Variants in STK11 observed in about 807,000 individuals in gnomAD.
STK11 encodes the protein serine/threonine-protein kinase STK11.
In STK11, 8 loss-of-function variants were observed where a neutral mutation model predicts 47.3. The ratio of observed to expected loss-of-function variants is 0.17; its 90% CI spans 0.10 to 0.31. STK11 has a LOEUF of 0.31. Ranked by LOEUF, STK11 falls within the 10% of genes least tolerant of loss-of-function variation. STK11 has a pLI of 1.00. For synonymous variants in STK11, 330 were observed against 255.8 expected, an observed-to-expected ratio of 1.29 and a Z score of -2.77; for missense variants, 475 against 605.0, an observed-to-expected ratio of 0.79 and a Z score of 2.25.
chr19:1,207,519 C>T (rs1430303079), intron 1 of STK11, among the ~76,000 whole-genome samples: 2 of 152,234 alleles, frequency 1.3e-5, no homozygotes, highest in Non-Finnish European at 2.9e-5. Flanking sequence ...AGCCCCTTGG[C>T]TCCCCCAGCT....
At chr19:1,219,131 T>C (rs117211142) in intron 2 of STK11, among the ~76,000 whole-genome samples, 193 bp from the exon 3 acceptor site, 2,526 of 152,106 alleles carry the variant, frequency 0.017, 34 homozygotes, top group Non-Finnish European at 0.025. Flanking sequence ...CCCTTCCCCG[T>C]AGGCTCCTTC....
Position 1,219,446 on chromosome 19 carries a change from G to T in STK11, c.464+33G>T, listed in dbSNP as rs758268029. ...CGCGGGGCAGGGGCCAGGGTGGGGC[G>T]GGGGCCGGGGGCCAGGCAGGGCAGG... On this transcript the variant is annotated intron_variant, in intron 3 of 9. Coordinates refer to ENST00000326873, the MANE Select transcript of STK11 (RefSeq NM_000455.5). 4 of 1,542,136 alleles carry T rather than the reference G, an allele frequency of 2.6e-6. No homozygotes were observed. In the African/African-American group the frequency reaches 5.5e-5, roughly 21 times the overall value.
Position 1,218,445 on chromosome 19 carries a change from C to T in STK11, c.319C>T (p.His107Tyr), listed in dbSNP as rs867918757. Residue 107 changes from histidine (H) to tyrosine (Y), a missense_variant, in exon 2 of 10, where the codon CAC becomes TAC. Around this residue, in one of 5 missense-constraint regions of STK11, gnomAD observed 46 missense variants for 45.5 expected, o/e 1.01. Transcript: ENST00000326873. ...AATTCAACTACTGAGGAGGTTACGG[C>T]ACAAAAATGTCATCCAGCTGGTGGA... is the stretch of plus-strand genomic sequence containing the variant. Reference protein sequence around the residue: ...KEIQLLRRLRHKNVIQLVDVL... With the variant: ...KEIQLLRRLRYKNVIQLVDVL... 6.2e-7 allele frequency: 1 copy of T among 1,613,684 alleles called. No homozygotes were observed. The highest frequency in any genetic ancestry group is 8.5e-7 in the Non-Finnish European group (1 of 1,179,814).
intron 5 of STK11, 40 bp from the exon 6 acceptor site, chr19:1,221,173 T>C (rs2145426518): frequency 6.2e-7 from 1 of 1,609,256 alleles, no homozygotes. Flanking sequence ...GTCAACCACC[T>C]TGACTGACCA....
In STK11 at chr19:1,227,848, G is replaced by A. The variant is rs1163510434; in HGVS notation, c.*272G>A. ...CCTTCCCGGGCGGGCGTGGGAGGAG[G>A]GAGGCGGCCTCCATGCACTTTATGT... On this transcript the variant is annotated 3_prime_UTR_variant, in exon 10 of 10. Transcript: ENST00000326873. The A allele has an allele frequency of 3.7e-6, 4 of 1,070,276 alleles. No homozygotes were observed. Among genetic ancestry groups the A allele is most frequent in the Non-Finnish European group, 3.4e-6 (3 of 882,456 alleles). The allele number at this position is 1,070,276 out of a possible 1,614,324, so 66.3% of individuals were successfully genotyped here. A position where few individuals can be genotyped will look rare whatever the true frequency, so the allele number is the denominator to read the frequency against.
At chr19:1,211,781 G>C (rs897397528) in intron 1 of STK11, among the ~76,000 whole-genome samples, 1 of 152,276 alleles carries the variant, frequency 6.6e-6, no homozygotes, top group Non-Finnish European at 1.5e-5. Context: ...CAGCCAGGAG[G>C]TGGGAGGTGG....
Position 1,223,011 on chromosome 19 carries a change from C to G in STK11, c.947C>G (p.Ala316Gly), listed in dbSNP as rs751709130. The G allele has an allele frequency of 9.5e-6, 15 of 1,574,076 alleles. No homozygotes were observed. Among genetic ancestry groups the G allele is most frequent in the African/African-American group, 2.7e-5 (2 of 74,026 alleles). Reference sequence around the variant, plus strand: ...TGGTTCCGGAAGAAACATCCTCCGGCTGAAGCACCAGTGCCCATCCCACCG... The same window carrying G: ...TGGTTCCGGAAGAAACATCCTCCGGGTGAAGCACCAGTGCCCATCCCACCG... The part of the protein sequence containing the change: ...HSWFRKKHPP[A>G]EAPVPIPPSP... The change falls in exon 8 of 10, where the codon GCT becomes GGT. Residue 316 changes from alanine (A) to glycine (G), a missense_variant. Coordinates refer to ENST00000326873, the MANE Select transcript of STK11 (RefSeq NM_000455.5).
At chr19:1,219,747 G>A (rs1002621453) in intron 3 of STK11, among the ~76,000 whole-genome samples, 33 of 152,000 alleles carry the variant, frequency 2.2e-4, no homozygotes, top group South Asian at 8.3e-4. Flanking sequence ...GGGTTTCACC[G>A]TGTTAGCCAG....
chr19:1,218,919 CCT>C (rs1384871274), intron 2 of STK11, among the ~76,000 whole-genome samples: 2 of 152,042 alleles, frequency 1.3e-5, no homozygotes, highest in East Asian at 3.9e-4. Flanking sequence ...TTCCTAAGGC[CCT>C]GTGCCCAGAG....
chr19:1,216,579 CA>C (rs968721946), intron 1 of STK11, among the ~76,000 whole-genome samples: 196 of 117,302 alleles, frequency 1.7e-3, no homozygotes, highest in Middle Eastern at 4.2e-3. Context: ...ACTCCGTCTC[CA>C]AAAAAAAAAA....
chr19:1,217,451 C>T (rs1008379022), intron 1 of STK11, among the ~76,000 whole-genome samples: 8 of 152,142 alleles, frequency 5.3e-5, no homozygotes, highest in South Asian at 2.1e-4. Context: ...CCACCCGCCT[C>T]GGCCTCCTAT....
rs545015076 is a variant in STK11, at chr19:1,218,481, A to G, written c.355A>G (p.Asn119Asp). The change falls in exon 2 of 10, where the codon AAC (asparagine) becomes GAC (aspartate). Residue 119 changes from asparagine (N) to aspartate (D), a missense_variant. Physicochemically the swap from Asn to Asp is conservative, Grantham distance 23. Transcript: ENST00000326873. ...CATCCAGCTGGTGGATGTGTTATAC[A>G]ACGAAGAGAAGCAGAAAATATATCC... ...NVIQLVDVLY[N>D]EEKQKMYMVM... The G allele has an allele frequency of 1.8e-5, 29 of 1,613,618 alleles. 1 individual carries two copies. In the South Asian group the frequency reaches 2.9e-4, roughly 16 times the overall value.
At chr19:1,221,840 C>T (rs989070521) in intron 6 of STK11, 109 bp from the exon 7 acceptor site, 51 of 1,310,208 alleles carry the variant, frequency 3.9e-5, no homozygotes, top group South Asian at 2.0e-4. Flanking sequence ...CCCTTAGGAG[C>T]GTCCAGGTAT....
chr19:1,217,635 T>C (rs2080753269), intron 1 of STK11, among the ~76,000 whole-genome samples: 1 of 152,160 alleles, frequency 6.6e-6, no homozygotes, highest in Admixed American at 6.5e-5. Context: ...ACAATGTCTC[T>C]TTCTGTGGCG....
chr19:1,213,352 G>C (rs1046606932), intron 1 of STK11, among the ~76,000 whole-genome samples: 4 of 152,108 alleles, frequency 2.6e-5, no homozygotes, highest in Admixed American at 1.3e-4. Flanking sequence ...TGACAGAGTT[G>C]CACAACTATC....
intron 1 of STK11, among the ~76,000 whole-genome samples, chr19:1,207,416 G>A (rs2080675540): frequency 6.6e-6 from 1 of 152,188 alleles, no homozygotes; most frequent in Non-Finnish European, 1.5e-5. Context: ...GTCGCAGCGG[G>A]GCGTGCGTTT....
intron 6 of STK11, chr19:1,221,671 A>G: frequency 1.7e-6 from 1 of 586,408 alleles, no homozygotes; most frequent in Non-Finnish European, 3.0e-6. Flanking sequence ...AGCAGGTGGC[A>G]CTGGCCGTCC....
chr19:1,226,189 C>T (rs2080819175), intron 8 of STK11: 29 of 1,326,078 alleles, frequency 2.2e-5, no homozygotes, highest in Non-Finnish European at 2.7e-5. Context: ...GGGTGGGGTC[C>T]CACCTGCGGC....
At position 1,218,495 on chromosome 19, in the gene STK11, G is replaced by A. The variant is rs140112347; in HGVS notation, c.369G>A (p.Gln123=). The A allele has an allele frequency of 1.1e-3, 1,840 of 1,613,484 alleles. 25 individuals are homozygous for A. The African/African-American group carries it at 0.021, about 19-fold the overall frequency. ...ATGTGTTATACAACGAAGAGAAGCA[G>A]AAAATATATCCTTTCCGGTGTTGGG... ...LVDVLYNEEK[Q]KMYMVMEYCV... The change falls in exon 2 of 10, where the codon CAG becomes CAA. Residue 123 remains glutamine, a synonymous_variant. Transcript: ENST00000326873.
Sources: allele counts gnomAD v4.1 joint callset (sites outside exome capture counted in the v4.1 genomes callset), GRCh38; gene constraint gnomAD v4.1.1; regional missense constraint gnomAD v4.1.1; transcripts MANE v1.5; gene names NCBI Gene and HGNC (gene_info 2026-07-23, HGNC 2026-07-21).